Variants in CPNE4 observed in about 807,000 individuals in gnomAD.
CPNE4 encodes the protein copine 4.
Under a neutral mutation model 67.9 loss-of-function variants are expected in CPNE4, and 25 were observed. The observed-to-expected ratio is 0.37, with a 90% CI of 0.27 to 0.51. The LOEUF (loss-of-function observed/expected upper bound fraction) is 0.51, where lower values mean the gene tolerates loss of function less well. Among genes scored for constraint, CPNE4 ranks in the 20% least tolerant of loss-of-function variants. The pLI is 0.93. For synonymous variants in CPNE4, 242 were observed against 244.9 expected (o/e 0.99, Z 0.11); for missense variants, 464 against 690.8 (o/e 0.67, Z 3.68).
chr3:131,833,531 T>TA (rs1216269227), intron 2 of CPNE4, among the ~76,000 whole-genome samples: 1 of 151,976 alleles, frequency 6.6e-6, no homozygotes, highest in Non-Finnish European at 1.5e-5. Context: ...CCACCTCTAC[T>TA]AAAAAATACA....
At chr3:131,801,422 G>GTATC in intron 2 of CPNE4, among the ~76,000 whole-genome samples, 1 of 43,748 alleles carries the variant, frequency 2.3e-5, no homozygotes, top group East Asian at 1.2e-3. Flanking sequence ...ATACGTGTGT[G>GTATC]TGTGTGTGTG....
intron 2 of CPNE4, among the ~76,000 whole-genome samples, chr3:131,852,469 C>A (rs899829206): frequency 6.6e-6 from 1 of 151,864 alleles, no homozygotes; most frequent in African/African-American, 2.4e-5. Context: ...CATTTTAAAA[C>A]CTAGTCATGT....
intron 9 of CPNE4, among the ~76,000 whole-genome samples, chr3:131,581,287 A>C (rs1157125522): frequency 6.6e-6 from 1 of 152,094 alleles, no homozygotes; most frequent in Non-Finnish European, 1.5e-5. Flanking sequence ...CCATTTGGAG[A>C]TCTCCCTCTA....
chr3:131,677,373 C>A (rs1020200708), intron 6 of CPNE4, among the ~76,000 whole-genome samples: 2 of 152,042 alleles, frequency 1.3e-5, no homozygotes, highest in Non-Finnish European at 2.9e-5. Context: ...TTCTCCCATT[C>A]TCTAGGTTGT....
At chr3:132,022,830 C>T (rs7427657) in intron 1 of CPNE4, among the ~76,000 whole-genome samples, 36,692 of 152,098 alleles carry the variant, frequency 0.24, 4,634 homozygotes, top group East Asian at 0.39. Context: ...ACTTCTTATC[C>T]AAGGATCTGC....
chr3:131,547,823 GC>G (rs1238674462), intron 14 of CPNE4, among the ~76,000 whole-genome samples: 2 of 152,128 alleles, frequency 1.3e-5, no homozygotes, highest in African/African-American at 4.8e-5. Context: ...GAGAGAACAT[GC>G]CCCACAGATC....
At chr3:131,846,101 G>A (rs895929081) in intron 2 of CPNE4, among the ~76,000 whole-genome samples, 1 of 152,140 alleles carries the variant, frequency 6.6e-6, no homozygotes, top group Non-Finnish European at 1.5e-5. Flanking sequence ...GCAATTTTGG[G>A]CAAGGCACTT....
intron 1 of CPNE4, among the ~76,000 whole-genome samples, chr3:132,011,830 C>T (rs1007992941): frequency 1.3e-5 from 2 of 152,232 alleles, no homozygotes; most frequent in Non-Finnish European, 2.9e-5. Context: ...CCAGTTAACA[C>T]ATCATCCCCT....
intron 1 of CPNE4, among the ~76,000 whole-genome samples, chr3:131,973,770 T>C (rs977698744): frequency 2.0e-5 from 3 of 152,240 alleles, no homozygotes; most frequent in Non-Finnish European, 4.4e-5. Flanking sequence ...CATGAATTTT[T>C]ATCTCTAAGG....
At chr3:131,745,031 C>A (rs2082454707) in intron 2 of CPNE4, among the ~76,000 whole-genome samples, 1 of 152,138 alleles carries the variant, frequency 6.6e-6, no homozygotes, top group Non-Finnish European at 1.5e-5. Context: ...AATGGCTATA[C>A]CAATTTACAT....
At chr3:131,964,628 T>C (rs1010441793) in intron 1 of CPNE4, among the ~76,000 whole-genome samples, 5 of 151,316 alleles carry the variant, frequency 3.3e-5, no homozygotes, top group Admixed American at 1.3e-4. Context: ...ATATCAGAGA[T>C]TGAAGATCAA....
At chr3:131,975,727 T>C (rs1189097785) in intron 1 of CPNE4, among the ~76,000 whole-genome samples, 2 of 152,176 alleles carry the variant, frequency 1.3e-5, no homozygotes, top group Non-Finnish European at 2.9e-5. Context: ...AATCAGAGTA[T>C]AGGCTGAAGT....
chr3:131,755,321 C>A (rs1487532977), intron 2 of CPNE4, among the ~76,000 whole-genome samples: 3 of 151,742 alleles, frequency 2.0e-5, no homozygotes, highest in African/African-American at 4.8e-5. Flanking sequence ...AAAGGCAGCC[C>A]AAACCTCCAT....
At chr3:131,637,332 T>C (rs1582935140) in intron 7 of CPNE4, among the ~76,000 whole-genome samples, 1 of 152,092 alleles carries the variant, frequency 6.6e-6, no homozygotes, top group East Asian at 1.9e-4. Context: ...GTGAAATAGA[T>C]AGCATAAATA....
chr3:131,723,669 T>G (rs2081939316), intron 2 of CPNE4, 44 bp from the exon 3 acceptor site: 1 of 1,525,674 alleles, frequency 6.6e-7, no homozygotes, highest in African/African-American at 1.4e-5. Context: ...AGGATTATTT[T>G]TATTATTACC....
Position 131,825,871 on chromosome 3 carries a change from A to C in CPNE4, c.180+79393T>G, listed in dbSNP as rs576203510. ...CAGAATAAAAGGAAAACAGCAAGACAGAGTTGGAAGTAATTTTCCACATTC... is the reference window on the plus strand; with the variant it reads ...CAGAATAAAAGGAAAACAGCAAGACCGAGTTGGAAGTAATTTTCCACATTC... On this transcript the variant is annotated intron_variant, in intron 2 of 15. Transcript: ENST00000429747. Among the ~76,000 whole-genome samples the C allele has an allele frequency of 5.3e-5, 8 of 152,334 alleles. No individual in the cohort carries two copies. In the South Asian group the frequency reaches 1.7e-3, roughly 32 times the overall value.
chr3:131,800,023 A>G (rs1026871833), intron 2 of CPNE4, among the ~76,000 whole-genome samples: 2 of 151,888 alleles, frequency 1.3e-5, no homozygotes, highest in African/African-American at 4.8e-5. Flanking sequence ...CAGAGGGTAC[A>G]TATGCAGGTT....
intron 1 of CPNE4, among the ~76,000 whole-genome samples, chr3:131,990,833 T>C (rs2073159854): frequency 7.4e-6 from 1 of 135,704 alleles, no homozygotes; most frequent in African/African-American, 2.5e-5. Flanking sequence ...ATAATCCCCA[T>C]GTGTCATGGG....
chr3:131,977,734 C>T (rs569700168), intron 1 of CPNE4, among the ~76,000 whole-genome samples: 47 of 152,012 alleles, frequency 3.1e-4, no homozygotes, highest in Middle Eastern at 3.4e-3. Context: ...TATTTGGCTA[C>T]ATGAGTAAGT....
Sources: gnomAD v4.1 joint callset for allele counts (sites outside exome capture counted in the v4.1 genomes callset) on GRCh38, gnomAD v4.1.1 for gene constraint, MANE v1.5 for transcripts, NCBI Gene and HGNC (gene_info 2026-07-23, HGNC 2026-07-21) for gene names.